The following SRCAP variants were observed in gnomAD, a reference collection of about 807,000 sequenced individuals.
SRCAP encodes chromatin remodeling protein SRCAP.
In SRCAP, 46 loss-of-function variants were observed where a neutral mutation model predicts 263.1. That is an observed-to-expected ratio of 0.17 (90% CI 0.14 to 0.22). SRCAP has a LOEUF of 0.22. Among genes scored for constraint, SRCAP ranks in the 10% least tolerant of loss-of-function variants. SRCAP has a pLI of 1.00. For synonymous variants in SRCAP, 1,813 were observed against 1,662.1 expected, an observed-to-expected ratio of 1.09 and a Z score of -2.21; for missense variants, 3,695 against 4,181.9, an observed-to-expected ratio of 0.88 and a Z score of 3.21.
In SRCAP at chr16:30,709,947, G is replaced by T. The variant is rs755048354; in HGVS notation, c.953G>T (p.Arg318Met). Residue 318 changes from arginine (R) to methionine (M), a missense_variant, in exon 8 of 34, where the codon AGG (arginine) becomes ATG (methionine). By Grantham distance (91) the Arg-to-Met change is moderately conservative. Around this residue, in one of 12 missense-constraint regions of SRCAP, gnomAD observed 30 missense variants for 54.1 expected, o/e 0.55. Coordinates refer to ENST00000262518, the MANE Select transcript of SRCAP (RefSeq NM_006662.3). Reference protein sequence around the residue: ...QQEGNDAEAQRREIELLRREG... With the variant: ...QQEGNDAEAQMREIELLRREG... ...GAAGGCAATGATGCAGAGGCCCAGA[G>T]GCGTGAGATTGAGCTGCTTCGCCGT... 1 of 1,614,228 alleles carries T rather than the reference G, an allele frequency of 6.2e-7. No homozygotes were observed. Among genetic ancestry groups the T allele is most frequent in the Admixed American group, 1.7e-5 (1 of 60,024 alleles).
chr16:30,739,686 C>G lies in SRCAP; in HGVS notation c.9646C>G (p.Leu3216Val), dbSNP rs1048541807. The G allele has an allele frequency of 6.5e-7, 1 of 1,538,232 alleles. No homozygotes were observed. Among genetic ancestry groups the G allele is most frequent in the Non-Finnish European group, 8.7e-7 (1 of 1,144,104 alleles). Residue 3216 changes from leucine to valine, a missense_variant, in exon 34 of 34, where the codon CTG becomes GTG. Leu to Val is a conservative substitution (Grantham distance 32). Transcript: ENST00000262518. ...CCTGCGCAGCAGCGCCCCTCCCTCCCTGGCTGGCCCTGCTGTTAGTCACAG... is the reference window on the plus strand; with the variant it reads ...CCTGCGCAGCAGCGCCCCTCCCTCCGTGGCTGGCCCTGCTGTTAGTCACAG... ...RILRSSAPPS[L>V]AGPAVSHRGR...
Position 30,738,266 on chromosome 16 carries a change from A to C in SRCAP, c.8226A>C (p.Pro2742=). 6.2e-7 allele frequency: 1 copy of C among 1,610,094 alleles called. No individual in the cohort carries two copies. Among genetic ancestry groups the C allele is most frequent in the East Asian group, 2.2e-5 (1 of 44,824 alleles). Residue 2742 remains proline, a synonymous_variant, in exon 34 of 34, where the codon CCA becomes CCC. Coordinates refer to ENST00000262518, the MANE Select transcript of SRCAP (RefSeq NM_006662.3). ...GGACTGGTCGGCCAGGACAACCACC[A>C]GGCCCCAAAGTGCTTCGAAAGCTGC... The part of the protein sequence containing the change: ...GQGTGRPGQP[P]GPKVLRKLPG...
At chr16:30,710,153 G>A in intron 8 of SRCAP, 25 bp downstream of exon 8, 1 of 1,601,618 alleles carries the variant, frequency 6.2e-7, no homozygotes, top group Non-Finnish European at 8.5e-7. Flanking sequence ...AGCAGAGGGA[G>A]GGTTCAGAGG....
intron 3 of SRCAP, among the ~76,000 whole-genome samples, chr16:30,701,940 A>G (rs1056992626): frequency 2.1e-5 from 3 of 140,594 alleles, no homozygotes; most frequent in Non-Finnish European, 3.1e-5. Context: ...CCTATTTTCC[A>G]TTTCTTTCTT....
At position 30,732,990 on chromosome 16, in the gene SRCAP, C is replaced by T. The variant is rs541155366; in HGVS notation, c.6128-290C>T. On this transcript the variant is annotated intron_variant, in intron 27 of 33. Coordinates refer to ENST00000262518, the MANE Select transcript of SRCAP (RefSeq NM_006662.3). Reference sequence around the variant, plus strand: ...AGCTGGGATTACAGTCACCCGCCATCACGCCCAGCTAATTTTTGTGTTTTT... The same window carrying T: ...AGCTGGGATTACAGTCACCCGCCATTACGCCCAGCTAATTTTTGTGTTTTT... 3.9e-5 allele frequency among the ~76,000 whole-genome samples: 6 copies of T among 152,262 alleles called. No individual in the cohort carries two copies. In the East Asian group the frequency reaches 1.2e-3, roughly 29 times the overall value.
intron 27 of SRCAP, among the ~76,000 whole-genome samples, chr16:30,730,912 C>T (rs943066639): frequency 6.6e-6 from 1 of 152,036 alleles, no homozygotes; most frequent in African/African-American, 2.4e-5. Context: ...TCGTGATCCC[C>T]TTGCCTCGGC....
In SRCAP at chr16:30,720,969, C is replaced by A; in HGVS notation, c.3244C>A (p.Leu1082Ile). ...LPPLQPNSGS[L>I]PQVLPSPLGV... Reference sequence around the variant, plus strand: ...TCCACTGCAGCCCAACAGTGGTTCTCTCCCCCAGGGTGAGTTGAAAGGGAG... The same window carrying A: ...TCCACTGCAGCCCAACAGTGGTTCTATCCCCCAGGGTGAGTTGAAAGGGAG... Residue 1082 changes from leucine to isoleucine, a missense_variant, in exon 20 of 34, where the codon CTC becomes ATC. Leu to Ile is a conservative substitution (Grantham distance 5). Transcript: ENST00000262518. 6.2e-7 allele frequency: 1 copy of A among 1,605,484 alleles called. No homozygotes were observed. The highest frequency in any genetic ancestry group is 8.5e-7 in the Non-Finnish European group (1 of 1,175,492).
In SRCAP at chr16:30,709,738, G is replaced by C. The variant is rs1173175027; in HGVS notation, c.856+3G>C. On this transcript the variant is annotated splice_donor_region_variant and intron_variant, in intron 7 of 33. Coordinates refer to ENST00000262518, the MANE Select transcript of SRCAP (RefSeq NM_006662.3). The stretch of plus-strand genomic sequence containing the variant: ...TGCTTCTCGCCTGGATGATGAAGGT[G>C]TGTGTTCTCTTTGGTCCTGTTACTC... 4 of 1,614,144 alleles carry C rather than the reference G, an allele frequency of 2.5e-6. No homozygotes were observed.
Position 30,736,250 on chromosome 16 carries a change from C to G in SRCAP, c.6780C>G (p.Ala2260=), listed in dbSNP as rs759148012. The G allele has an allele frequency of 1.9e-6, 3 of 1,614,126 alleles. No homozygotes were observed. The South Asian group carries it at 3.3e-5, about 18-fold the overall frequency. Residue 2260 remains alanine (A), a synonymous_variant, in exon 32 of 34, where the codon GCC becomes GCG. Transcript: ENST00000262518. ...DEEDIRAATQ[A]KAEQVAELAE... ...AGGATATCCGTGCAGCCACCCAGGC[C>G]AAGGCTGAACAGGTGGCTGAGCTTG...
intron 3 of SRCAP, among the ~76,000 whole-genome samples, chr16:30,701,978 G>A (rs888193519): frequency 4.7e-5 from 7 of 148,792 alleles, no homozygotes; most frequent in African/African-American, 1.5e-4. Context: ...TTTTTAAGAT[G>A]GAGTCTCGCT....
intron 6 of SRCAP, 90 bp from the exon 7 acceptor site, chr16:30,709,423 C>T: frequency 7.2e-7 from 1 of 1,388,100 alleles, no homozygotes; most frequent in East Asian, 2.3e-5. Flanking sequence ...AGCCCAGGAT[C>T]TGGTTAAAGA....
In SRCAP at chr16:30,728,842, A is replaced by G. The variant is rs937539323; in HGVS notation, c.5659-124A>G. The G allele has an allele frequency of 1.7e-4, 207 of 1,199,904 alleles. 2 individuals are homozygous for G. Among genetic ancestry groups the G allele is most frequent in the Non-Finnish European group, 1.9e-4 (166 of 885,534 alleles). The allele number at this position is 1,199,904 out of a possible 1,614,324, so 74.3% of individuals were successfully genotyped here. The stretch of plus-strand genomic sequence containing the variant: ...CTCATTGATAACTTGGAAAACTACA[A>G]AAAGCATAGTGTATTTTTGGATCCC... On this transcript the variant is annotated intron_variant, in intron 25 of 33. Coordinates refer to ENST00000262518, the MANE Select transcript of SRCAP (RefSeq NM_006662.3).
chr16:30,720,240 C>T lies in SRCAP; in HGVS notation c.2896C>T (p.Arg966Trp), dbSNP rs371592173. The T allele has an allele frequency of 3.1e-6, 5 of 1,614,024 alleles. No homozygotes were observed. The highest frequency in any genetic ancestry group is 2.2e-5 in the East Asian group (1 of 44,896). Residue 966 changes from arginine (R) to tryptophan (W), a missense_variant, in exon 19 of 34, where the codon CGG (arginine) becomes TGG (tryptophan). Around this residue, in one of 12 missense-constraint regions of SRCAP, gnomAD observed 147 missense variants for 212.7 expected, o/e 0.69. Transcript: ENST00000262518. ...SRYEADTFLPRHRLSRRVLLE... is the reference protein window; with the variant it reads ...SRYEADTFLPWHRLSRRVLLE... ...ATATGAGGCAGACACATTTCTGCCC[C>T]GGCACCGCCTCTCTCGCCGGGTACT...
intron 25 of SRCAP, chr16:30,725,340 C>A: frequency 1.8e-6 from 1 of 543,550 alleles, no homozygotes; most frequent in Non-Finnish European, 3.0e-6. Context: ...GTTTTTTAAC[C>A]CGCACGGTAA....
intron 14 of SRCAP, 120 bp downstream of exon 14, chr16:30,712,935 G>C: frequency 2.2e-6 from 3 of 1,334,508 alleles, no homozygotes; most frequent in Non-Finnish European, 3.0e-6. Flanking sequence ...TTAATTTTTT[G>C]TAAAAATAAA....
intron 27 of SRCAP, among the ~76,000 whole-genome samples, chr16:30,730,398 C>T (rs139983684): frequency 3.3e-4 from 50 of 151,818 alleles, no homozygotes; most frequent in African/African-American, 9.7e-4. Flanking sequence ...AGTAGCTTAA[C>T]GATATTTTCA....
chr16:30,724,923 G>T lies in SRCAP; in HGVS notation c.5499G>T (p.Leu1833Phe). 2 of 1,614,184 alleles carry T rather than the reference G, an allele frequency of 1.2e-6. No homozygotes were observed. The highest frequency in any genetic ancestry group is 1.7e-6 in the Non-Finnish European group (2 of 1,180,048). ...LVVSASGAAP[L>F]PVTMVSRLPV... ...TTTCGGCATCTGGTGCCGCTCCCTT[G>T]CCTGTCACCATGGTATCCCGGCTGC... The change falls in exon 25 of 34, where the codon TTG (leucine) becomes TTT (phenylalanine). Residue 1833 changes from leucine (L) to phenylalanine (F), a missense_variant. Physicochemically the swap from Leu to Phe is conservative, Grantham distance 22. Around this residue, in one of 12 missense-constraint regions of SRCAP, gnomAD observed 1,347 missense variants for 1,304.4 expected, o/e 1.03. Transcript: ENST00000262518.
chr16:30,726,257 C>T (rs1353244589), intron 25 of SRCAP: 2 of 152,112 alleles, frequency 1.3e-5, no homozygotes, highest in African/African-American at 2.4e-5. Flanking sequence ...CACATTTTAT[C>T]CTTGAGTTGA....
chr16:30,727,628 C>T (rs2053075884), intron 25 of SRCAP, among the ~76,000 whole-genome samples: 1 of 152,178 alleles, frequency 6.6e-6, no homozygotes, highest in Non-Finnish European at 1.5e-5. Flanking sequence ...TCTCAGCTCA[C>T]TGCAACCTCC....
Sources: gnomAD v4.1 joint callset for allele counts (sites outside exome capture counted in the v4.1 genomes callset) on GRCh38, gnomAD v4.1.1 for gene constraint, gnomAD v4.1.1 regional missense constraint, MANE v1.5 for transcripts, NCBI Gene and HGNC (gene_info 2026-07-23, HGNC 2026-07-21) for gene names.